The following HM13 variants were observed in gnomAD, a reference collection of about 807,000 sequenced individuals.
The protein encoded by HM13 is signal peptide peptidase.
Under a neutral mutation model 50.0 loss-of-function variants are expected in HM13, and 18 were observed. The observed-to-expected ratio is 0.36, with a 90% CI of 0.25 to 0.53. The LOEUF (loss-of-function observed/expected upper bound fraction) is 0.53, where lower values mean the gene tolerates loss of function less well. Ranked by LOEUF, HM13 falls within the 20% of genes least tolerant of loss-of-function variation. HM13 has a pLI of 0.90. For missense variants in HM13, 393 were observed against 552.4 expected (o/e 0.71, Z 2.89); for synonymous variants, 197 against 232.6 (o/e 0.85, Z 1.39).
At chr20:31,540,555 A>G (rs531977696) in intron 3 of HM13, 1 of 152,272 alleles carries the variant, frequency 6.6e-6, no homozygotes, top group African/African-American at 2.4e-5. Flanking sequence ...CAACCCTACA[A>G]TGAAGATCTT....
chr20:31,559,487 C>T, intron 8 of HM13, 124 bp from the exon 9 acceptor site: 1 of 927,394 alleles, frequency 1.1e-6, no homozygotes. Flanking sequence ...GTATTGGCCA[C>T]ACCCTTGGTC....
chr20:31,523,331 C>T (rs1004686891), intron 1 of HM13, among the ~76,000 whole-genome samples: 3 of 149,900 alleles, frequency 2.0e-5, no homozygotes, highest in Non-Finnish European at 2.9e-5. Context: ...GGCTCAGTCT[C>T]GGCTCACTGC....
chr20:31,548,952 C>G (rs1189982595), intron 4 of HM13, 77 bp from the exon 5 acceptor site: 1 of 1,281,220 alleles, frequency 7.8e-7, no homozygotes. Context: ...CAGCCATGCC[C>G]TCCTCCGTCC....
intron 1 of HM13, among the ~76,000 whole-genome samples, chr20:31,526,582 T>C (rs1982507405): frequency 2.0e-5 from 3 of 152,242 alleles, no homozygotes; most frequent in Admixed American, 2.0e-4. Flanking sequence ...TTCATGTAAA[T>C]ATTTATCCTT....
rs551351622 is a variant in HM13, at chr20:31,532,390, A to C, written c.282+4808A>C. Among the ~76,000 whole-genome samples the C allele has an allele frequency of 3.9e-5, 6 of 152,328 alleles. No homozygotes were observed. In the South Asian group the frequency reaches 1.0e-3, roughly 26 times the overall value. ...CAGTGAGCCGAGATCGTGCCCCTGC[A>C]CTCCAGCCTGGTGACAGAGAGAGAC... On this transcript the variant is annotated intron_variant, in intron 2 of 12. Coordinates refer to ENST00000398174, the MANE Select transcript of HM13 (RefSeq NM_178581.3).
intron 3 of HM13, chr20:31,540,036 A>C (rs557489425): frequency 6.6e-6 from 1 of 152,362 alleles, no homozygotes; most frequent in Non-Finnish European, 1.5e-5. Flanking sequence ...CCAGGCTGTA[A>C]CATCCCTAGA....
At chr20:31,550,343 G>A in intron 7 of HM13, 1 of 549,276 alleles carries the variant, frequency 1.8e-6, no homozygotes, top group South Asian at 2.2e-5. Flanking sequence ...AGCATGGCGT[G>A]AAATGAGCCA....
At chr20:31,551,267 CCT>C in intron 7 of HM13, among the ~76,000 whole-genome samples, 1 of 152,116 alleles carries the variant, frequency 6.6e-6, no homozygotes, top group Middle Eastern at 3.4e-3. Flanking sequence ...AGTTAATGAC[CCT>C]CTCTTCACCA....
chr20:31,555,399 G>C (rs548013980), intron 8 of HM13, among the ~76,000 whole-genome samples: 39 of 150,360 alleles, frequency 2.6e-4, no homozygotes, highest in Middle Eastern at 3.4e-3. Context: ...CTGGATCTGC[G>C]TGTGGGTTCT....
At chr20:31,528,334 T>C (rs1340823825) in intron 2 of HM13, among the ~76,000 whole-genome samples, 2 of 152,216 alleles carry the variant, frequency 1.3e-5, no homozygotes, top group Non-Finnish European at 2.9e-5. Flanking sequence ...TTATTTATTT[T>C]AGGACAGAGT....
intron 2 of HM13, among the ~76,000 whole-genome samples, chr20:31,531,154 C>G (rs991366586): frequency 6.6e-6 from 1 of 151,984 alleles, no homozygotes; most frequent in African/African-American, 2.4e-5. Flanking sequence ...AAACGATTCT[C>G]CTGCCTCAGC....
intron 11 of HM13, 174 bp from the exon 12 acceptor site, chr20:31,567,900 ATCTT>A (rs1438329001): frequency 1.7e-6 from 1 of 594,868 alleles, no homozygotes; most frequent in Admixed American, 3.4e-5. Context: ...GTCTAGGTGC[ATCTT>A]TCTTTTTTCA....
chr20:31,554,537 C>T (rs2122638720), intron 7 of HM13: 5 of 495,772 alleles, frequency 1.0e-5, no homozygotes, highest in Non-Finnish European at 1.5e-5. Flanking sequence ...AAAAAATTAG[C>T]TGGGTGCGGT....
intron 12 of HM13, 87 bp from the exon 13 acceptor site, chr20:31,569,033 A>G (rs1600678090): frequency 2.2e-6 from 2 of 905,382 alleles, no homozygotes; most frequent in East Asian, 2.7e-5. Flanking sequence ...CTTTCCTAGG[A>G]TGGGGGTGGG....
intron 3 of HM13, chr20:31,541,403 C>T (rs1983444762): frequency 6.6e-6 from 1 of 151,260 alleles, no homozygotes; most frequent in Admixed American, 6.6e-5. Context: ...ATCGCGTGAA[C>T]CTGGGAGGCA....
rs1180267680 is a variant in HM13 at position 31,557,703 on chromosome 20, CTT to C, written c.809-1885_809-1884del. On this transcript the variant is annotated intron_variant, in intron 8 of 12. Transcript: ENST00000398174. ...TGTTGACAGTTGACAGGCAGTGCTT[CTT>C]TTTTTTTTTTTTTTTTTTTTTTGAG... Among the ~76,000 whole-genome samples the C allele has an allele frequency of 4.8e-4, 39 of 80,904 alleles. 1 individual carries two copies. In the East Asian group the frequency reaches 9.9e-3, roughly 20 times the overall value. The allele number at this position is 80,904 out of a possible 152,430, so 53.1% of individuals were successfully genotyped here.
intron 2 of HM13, among the ~76,000 whole-genome samples, chr20:31,531,589 G>A (rs572596330): frequency 1.6e-4 from 24 of 151,920 alleles, no homozygotes; most frequent in African/African-American, 4.8e-4. Context: ...GTTGTTTTTT[G>A]TTGTTGTTAT....
chr20:31,565,706 A>G (rs1984869964), intron 10 of HM13, among the ~76,000 whole-genome samples: 1 of 152,158 alleles, frequency 6.6e-6, no homozygotes, highest in Admixed American at 6.6e-5. Flanking sequence ...CAGGAGTCTC[A>G]GCACAGACAT....
At chr20:31,531,538 AGACGTAT>A (rs1982817783) in intron 2 of HM13, among the ~76,000 whole-genome samples, 2 of 152,086 alleles carry the variant, frequency 1.3e-5, no homozygotes, top group African/African-American at 4.8e-5. Flanking sequence ...TTGGGACTAT[AGACGTAT>A]GTCATTACAT....
Sources: gnomAD v4.1 joint callset for allele counts (sites outside exome capture counted in the v4.1 genomes callset) on GRCh38, gnomAD v4.1.1 for gene constraint, MANE v1.5 for transcripts, NCBI Gene and HGNC (gene_info 2026-07-23, HGNC 2026-07-21) for gene names.